Variants in DPH7 observed in about 807,000 individuals in gnomAD.
The protein encoded by DPH7 is diphthine methyltransferase.
DPH7 carries 44 observed loss-of-function variants against 41.7 expected under a neutral mutation model. The observed-to-expected ratio is 1.05, with a 90% CI of 0.83 to 1.36. The LOEUF is 1.36. Among genes scored for constraint, DPH7 ranks in the 40% most tolerant of loss-of-function variants. DPH7 has a pLI of 0.00. For missense variants in DPH7, 629 were observed against 577.5 expected (o/e 1.09, Z -0.91); for synonymous variants, 275 against 238.0 (o/e 1.16, Z -1.43).
intron 8 of DPH7, among the ~76,000 whole-genome samples, chr9:137,562,286 A>G (rs908074956): frequency 6.6e-5 from 10 of 152,186 alleles, no homozygotes; most frequent in African/African-American, 2.4e-4. Flanking sequence ...AGCAGAACAC[A>G]CGTCCGCAAG....
rs1289688883 is a variant in DPH7, at chr9:137,555,614, G to A, written c.984C>T (p.His328=). 1 of 1,611,130 alleles carries A rather than the reference G, an allele frequency of 6.2e-7. No individual in the cohort carries two copies. Among genetic ancestry groups the A allele is most frequent in the Non-Finnish European group, 8.5e-7 (1 of 1,178,232 alleles). Residue 328 remains histidine (H), a synonymous_variant, in exon 9 of 9, where the codon CAC becomes CAT. Transcript: ENST00000277540. The part of the protein sequence containing the change: ...ERQEATVLTS[H]TLPDSLVYGA... ...CATACACCAGCGAGTCGGGCAATGT[G>A]TGAGATGTCAGGACCGTCGCCTCCT...
chr9:137,557,619 G>C (rs564731902), intron 8 of DPH7, among the ~76,000 whole-genome samples: 154 of 152,138 alleles, frequency 1.0e-3, no homozygotes, highest in Admixed American at 2.6e-3. Flanking sequence ...AGGAGTTTGA[G>C]AGCAGCCTGG....
intron 8 of DPH7, among the ~76,000 whole-genome samples, chr9:137,557,856 C>T (rs1837788936): frequency 6.9e-6 from 1 of 144,648 alleles, no homozygotes; most frequent in Admixed American, 6.9e-5. Flanking sequence ...AAAGGCCAGC[C>T]GAGCACAGCG....
chr9:137,578,803 C>T lies in DPH7; in HGVS notation c.-26G>A, dbSNP rs745767329. On this transcript the variant is annotated 5_prime_UTR_variant, in exon 1 of 9. Transcript: ENST00000277540. Reference sequence around the variant, plus strand: ...CCAGCCCTCGGGGAAGGGCGCGGAGCCGGCAGTAGAGGCGGGTCGGCGGGG... The same window carrying T: ...CCAGCCCTCGGGGAAGGGCGCGGAGTCGGCAGTAGAGGCGGGTCGGCGGGG... 1.8e-5 allele frequency: 25 copies of T among 1,427,396 alleles called. No homozygotes were observed. In the African/African-American group the frequency reaches 2.1e-4, roughly 12 times the overall value. The allele number at this position is 1,427,396 out of a possible 1,614,324, so 88.4% of individuals were successfully genotyped here.
At chr9:137,576,431 A>G (rs1841397851) in intron 2 of DPH7, 1 of 465,118 alleles carries the variant, frequency 2.1e-6, no homozygotes, top group Non-Finnish European at 3.9e-6. Flanking sequence ...CAGTAAGAAT[A>G]CAATATAAAG....
intron 5 of DPH7, among the ~76,000 whole-genome samples, chr9:137,573,773 G>A (rs1323721498): frequency 1.5e-5 from 2 of 135,594 alleles, no homozygotes; most frequent in Non-Finnish European, 3.2e-5. Flanking sequence ...CTCCAAAAAA[G>A]AAAAAAAATA....
chr9:137,576,267 C>A, intron 2 of DPH7, 100 bp from the exon 3 acceptor site: 2 of 1,034,564 alleles, frequency 1.9e-6, no homozygotes, highest in Non-Finnish European at 3.0e-6. Flanking sequence ...AACAACGGGG[C>A]TGCAGTCCAC....
rs750443323 is a variant in DPH7, at chr9:137,564,970, G to A, written c.711-12C>T. The stretch of plus-strand genomic sequence containing the variant: ...CACCCATGGTGTGTCTGCAAGCAGA[G>A]GCGGCTTCTGAACCAGTGTCCAGCA... On this transcript the variant is annotated splice_polypyrimidine_tract_variant and intron_variant, in intron 6 of 8. Transcript: ENST00000277540. 1.3e-6 allele frequency: 2 copies of A among 1,595,088 alleles called. No individual in the cohort carries two copies. Among genetic ancestry groups the A allele is most frequent in the South Asian group, 2.2e-5 (2 of 88,946 alleles).
At chr9:137,560,833 G>A (rs545601056) in intron 8 of DPH7, among the ~76,000 whole-genome samples, 1 of 147,442 alleles carries the variant, frequency 6.8e-6, no homozygotes, top group South Asian at 2.2e-4. Context: ...TCCAGCCTGG[G>A]TGACACAGTG....
At chr9:137,564,844 G>C in intron 7 of DPH7, 49 bp downstream of exon 7, 1 of 1,560,592 alleles carries the variant, frequency 6.4e-7, no homozygotes, top group East Asian at 2.4e-5. Flanking sequence ...GAGCCCCCCG[G>C]GGACAGCGAA....
chr9:137,562,445 C>T (rs1167492439), intron 8 of DPH7, among the ~76,000 whole-genome samples: 10 of 152,096 alleles, frequency 6.6e-5, no homozygotes, highest in African/African-American at 2.2e-4. Flanking sequence ...AAACAACACA[C>T]TCATAAATAA....
At chr9:137,569,346 C>T (rs1235495705) in intron 5 of DPH7, among the ~76,000 whole-genome samples, 2 of 125,066 alleles carry the variant, frequency 1.6e-5, no homozygotes, top group African/African-American at 6.0e-5. Flanking sequence ...TCCATCTACC[C>T]ACTATCCATC....
chr9:137,574,573 C>A, intron 4 of DPH7, 179 bp downstream of exon 4: 1 of 835,798 alleles, frequency 1.2e-6, no homozygotes, highest in Non-Finnish European at 1.9e-6. Context: ...TAGGTAAAAA[C>A]ACTATCGCTA....
At chr9:137,558,539 T>C (rs186332309) in intron 8 of DPH7, among the ~76,000 whole-genome samples, 57 of 152,308 alleles carry the variant, frequency 3.7e-4, no homozygotes, top group Admixed American at 7.9e-4. Flanking sequence ...GGGGTGAACC[T>C]TGAAAACGTT....
In DPH7 at chr9:137,564,920, T is replaced by G; in HGVS notation, c.749A>C (p.His250Pro). 7 of 1,596,946 alleles carry G rather than the reference T, an allele frequency of 4.4e-6. No individual in the cohort carries two copies. Among genetic ancestry groups the G allele is most frequent in the Non-Finnish European group, 6.0e-6 (7 of 1,171,680 alleles). ...TCCCGTGGCCAGGATGTGCTCCCGA[T>G]GAGGGCTGCTCTGGATGCTGCACAC... ...MGVCSIQSSP[H>P]REHILATGSY... The change falls in exon 7 of 9, where the codon CAT becomes CCT. Residue 250 changes from histidine to proline, a missense_variant. Physicochemically the swap from His to Pro is moderately conservative, Grantham distance 77 (BLOSUM62 -2). Coordinates refer to ENST00000277540, the MANE Select transcript of DPH7 (RefSeq NM_138778.5).
At chr9:137,564,724 A>G (rs1839266718) in intron 7 of DPH7, 118 bp from the exon 8 acceptor site, 6 of 1,474,300 alleles carry the variant, frequency 4.1e-6, no homozygotes, top group Non-Finnish European at 4.6e-6. Flanking sequence ...CCTCGAGGAC[A>G]AAGTCCCCTT....
At chr9:137,562,101 T>C (rs1433939684) in intron 8 of DPH7, among the ~76,000 whole-genome samples, 8 of 152,192 alleles carry the variant, frequency 5.3e-5, no homozygotes, top group African/African-American at 1.9e-4. Flanking sequence ...CCTGACCTTG[T>C]GATCTGCCCA....
At chr9:137,575,010 G>A (rs964327185) in intron 3 of DPH7, 167 bp from the exon 4 acceptor site, 4 of 1,417,430 alleles carry the variant, frequency 2.8e-6, no homozygotes, top group Non-Finnish European at 3.7e-6. Flanking sequence ...ACCCCTGCTA[G>A]GGGCCCCGAG....
chr9:137,572,412 G>A (rs1290958093), intron 5 of DPH7, among the ~76,000 whole-genome samples: 2 of 152,190 alleles, frequency 1.3e-5, no homozygotes, highest in African/African-American at 4.8e-5. Flanking sequence ...ACTGTGAGGG[G>A]TTCTAACAAT....
Sources: allele counts gnomAD v4.1 joint callset (sites outside exome capture counted in the v4.1 genomes callset), GRCh38; gene constraint gnomAD v4.1.1; transcripts MANE v1.5; gene names NCBI Gene and HGNC (gene_info 2026-07-23, HGNC 2026-07-21).